The following KIF26B variants were observed in gnomAD, a reference collection of about 807,000 sequenced individuals.
KIF26B encodes kinesin-like protein KIF26B.
Under a neutral mutation model 151.2 loss-of-function variants are expected in KIF26B, and 63 were observed. That is an observed-to-expected ratio of 0.42 (90% CI 0.34 to 0.51). The LOEUF (loss-of-function observed/expected upper bound fraction) is 0.51. KIF26B is among the 20% of genes least tolerant of loss of function. KIF26B has a pLI of 0.07. For missense variants in KIF26B, 2,813 were observed against 2,913.6 expected, an observed-to-expected ratio of 0.97 and a Z score of 0.79; for synonymous variants, 1,357 against 1,262.1, an observed-to-expected ratio of 1.08 and a Z score of -1.59.
intron 3 of KIF26B, among the ~76,000 whole-genome samples, chr1:245,401,189 T>C (rs928799191): frequency 6.6e-6 from 1 of 152,246 alleles, no homozygotes; most frequent in Non-Finnish European, 1.5e-5. Flanking sequence ...ATTGGAGGTC[T>C]GATTAATATA....
At chr1:245,193,768 TCCC>T (rs1173470933) in intron 2 of KIF26B, among the ~76,000 whole-genome samples, 1 of 152,250 alleles carries the variant, frequency 6.6e-6, no homozygotes, top group East Asian at 1.9e-4. Context: ...CGCCAGAGCG[TCCC>T]TCCACTGCGC....
intron 2 of KIF26B, among the ~76,000 whole-genome samples, chr1:245,238,327 A>G (rs1670151937): frequency 6.6e-6 from 1 of 152,118 alleles, no homozygotes; most frequent in South Asian, 2.1e-4. Flanking sequence ...CAGAAACTTC[A>G]TCTCATCTAA....
chr1:245,410,108 T>C (rs1175395013), intron 3 of KIF26B, among the ~76,000 whole-genome samples: 1 of 152,124 alleles, frequency 6.6e-6, no homozygotes, highest in Non-Finnish European at 1.5e-5. Flanking sequence ...AAGAGTTGGG[T>C]TTGTGTGGGG....
chr1:245,169,230 T>C (rs568827905), intron 2 of KIF26B, among the ~76,000 whole-genome samples: 1 of 152,206 alleles, frequency 6.6e-6, no homozygotes, highest in East Asian at 1.9e-4. Context: ...AAACCCTCCA[T>C]GCAAGCTTGC....
chr1:245,397,405 G>C (rs1673875023), intron 3 of KIF26B, among the ~76,000 whole-genome samples: 1 of 151,984 alleles, frequency 6.6e-6, no homozygotes, highest in Admixed American at 6.6e-5. Flanking sequence ...TAGTAGAAAT[G>C]GTGTTTCACC....
chr1:245,494,945 T>C (rs1053382915), intron 4 of KIF26B, among the ~76,000 whole-genome samples: 1 of 151,878 alleles, frequency 6.6e-6, no homozygotes, highest in Non-Finnish European at 1.5e-5. Context: ...GAGGCTGAGG[T>C]GGGAGGATCA....
chr1:245,537,052 T>C (rs1355031222), intron 4 of KIF26B, among the ~76,000 whole-genome samples: 1 of 151,970 alleles, frequency 6.6e-6, no homozygotes, highest in Non-Finnish European at 1.5e-5. Context: ...CAGTGTCAGG[T>C]TGTAAGAAGT....
intron 2 of KIF26B, among the ~76,000 whole-genome samples, chr1:245,198,969 C>A (rs10924115): frequency 8.6e-5 from 6 of 69,838 alleles, no homozygotes; most frequent in East Asian, 4.5e-4. Flanking sequence ...AGAGTGTGGC[C>A]GCTGAGCTGA....
chr1:245,211,798 A>C (rs1442816962), intron 2 of KIF26B, among the ~76,000 whole-genome samples: 1 of 152,224 alleles, frequency 6.6e-6, no homozygotes, highest in Non-Finnish European at 1.5e-5. Context: ...ACTTTCTAGC[A>C]GGAACCATTT....
intron 2 of KIF26B, among the ~76,000 whole-genome samples, chr1:245,180,052 G>A (rs1043460469): frequency 6.6e-6 from 1 of 152,218 alleles, no homozygotes; most frequent in African/African-American, 2.4e-5. Context: ...CTGGATAATC[G>A]CTGGCAGCAG....
At chr1:245,232,224 G>A (rs1670012773) in intron 2 of KIF26B, among the ~76,000 whole-genome samples, 2 of 152,170 alleles carry the variant, frequency 1.3e-5, no homozygotes, top group Non-Finnish European at 2.9e-5. Context: ...AGCTCTAGAC[G>A]CCAAATTTGT....
At chr1:245,342,122 C>T (rs1042813989) in intron 2 of KIF26B, among the ~76,000 whole-genome samples, 3 of 152,186 alleles carry the variant, frequency 2.0e-5, no homozygotes, top group South Asian at 4.2e-4. Flanking sequence ...AGTCTTTGGC[C>T]GTAGACATTT....
chr1:245,576,490 G>A (rs138610833), intron 5 of KIF26B, among the ~76,000 whole-genome samples: 16 of 152,316 alleles, frequency 1.1e-4, no homozygotes, highest in Non-Finnish European at 1.3e-4. Context: ...CAGCGTGACA[G>A]CCCAGTGGGA....
intron 4 of KIF26B, among the ~76,000 whole-genome samples, chr1:245,471,213 C>T (rs1161742683): frequency 6.6e-6 from 1 of 152,018 alleles, no homozygotes; most frequent in Non-Finnish European, 1.5e-5. Flanking sequence ...TCACTGCAAC[C>T]TCCACCTCCC....
intron 4 of KIF26B, among the ~76,000 whole-genome samples, chr1:245,459,537 C>A (rs1659604987): frequency 6.6e-6 from 1 of 152,184 alleles, no homozygotes; most frequent in Non-Finnish European, 1.5e-5. Context: ...TTTATACCTT[C>A]CTTAAGACTG....
chr1:245,365,960 T>A (rs1488234515), intron 2 of KIF26B, among the ~76,000 whole-genome samples: 2 of 152,200 alleles, frequency 1.3e-5, no homozygotes, highest in Non-Finnish European at 2.9e-5. Flanking sequence ...TAAGAGACAT[T>A]GTTCTCACTG....
intron 5 of KIF26B, among the ~76,000 whole-genome samples, chr1:245,587,295 A>C (rs909552465): frequency 6.6e-6 from 1 of 152,052 alleles, no homozygotes; most frequent in African/African-American, 2.4e-5. Flanking sequence ...GTACTACTCT[A>C]TTATGCTGGG....
intron 2 of KIF26B, among the ~76,000 whole-genome samples, chr1:245,186,248 C>A (rs1025819714): frequency 2.0e-5 from 3 of 152,062 alleles, no homozygotes; most frequent in Non-Finnish European, 4.4e-5. Context: ...CAGAATGCCC[C>A]CTTCGATGAG....
At chr1:245,539,897 C>A (rs1350779874) in intron 4 of KIF26B, among the ~76,000 whole-genome samples, 1 of 152,204 alleles carries the variant, frequency 6.6e-6, no homozygotes, top group South Asian at 2.1e-4. Context: ...AGGTGAGCTG[C>A]CTGCCTCGGC....
Sources: allele counts gnomAD v4.1 joint callset (sites outside exome capture counted in the v4.1 genomes callset), GRCh38; gene constraint gnomAD v4.1.1; transcripts MANE v1.5; gene names NCBI Gene and HGNC (gene_info 2026-07-23, HGNC 2026-07-21).